BPTF: variants seen among roughly 807,000 people sequenced by gnomAD.
BPTF encodes nucleosome-remodeling factor subunit BPTF.
In BPTF, 18 loss-of-function variants were observed where a neutral mutation model predicts 292.5. That is an observed-to-expected ratio of 0.06 (90% CI 0.04 to 0.09). The LOEUF (loss-of-function observed/expected upper bound fraction) is 0.09, where lower values mean the gene tolerates loss of function less well. Among genes scored for constraint, BPTF ranks in the 10% least tolerant of loss-of-function variants. The pLI, the probability that BPTF is intolerant of heterozygous loss-of-function variation, is 1.00. For synonymous variants in BPTF, 1,225 were observed against 1,251.9 expected (o/e 0.98, Z 0.45); for missense variants, 2,726 against 3,498.7 (o/e 0.78, Z 5.57).
At chr17:67,938,234 G>C (rs2065083128) in intron 18 of BPTF, among the ~76,000 whole-genome samples, 1 of 152,168 alleles carries the variant, frequency 6.6e-6, no homozygotes, top group South Asian at 2.1e-4. Flanking sequence ...CCTTTTATCT[G>C]TCTCTGCTTA....
chr17:67,974,920 C>T (rs1342764828), intron 26 of BPTF: 6 of 152,212 alleles, frequency 3.9e-5, no homozygotes, highest in Admixed American at 3.9e-4. Flanking sequence ...TCAGCTTAAC[C>T]TTCAGCCCCT....
chr17:67,967,970 C>G (rs1555688475), intron 26 of BPTF, among the ~76,000 whole-genome samples: 2 of 151,322 alleles, frequency 1.3e-5, no homozygotes, highest in African/African-American at 4.9e-5. Flanking sequence ...TCATCCTTCT[C>G]CATTTACTTC....
At chr17:67,838,041 A>G (rs1841675173) in intron 1 of BPTF, among the ~76,000 whole-genome samples, 1 of 152,212 alleles carries the variant, frequency 6.6e-6, no homozygotes, top group African/African-American at 2.4e-5. Context: ...TAGATGATCT[A>G]ATGGTCAGGG....
intron 19 of BPTF, among the ~76,000 whole-genome samples, chr17:67,940,893 A>C (rs61171763): frequency 1.4e-3 from 219 of 152,282 alleles, no homozygotes; most frequent in East Asian, 5.6e-3. Flanking sequence ...AAACACCAAA[A>C]TTTTATTAGT....
chr17:67,939,130 G>A (rs906579735), intron 18 of BPTF, among the ~76,000 whole-genome samples: 1 of 151,952 alleles, frequency 6.6e-6, no homozygotes. Context: ...TTTTTTGGAG[G>A]GTTACTTTAA....
intron 27 of BPTF, among the ~76,000 whole-genome samples, chr17:67,976,713 A>T (rs1568232766): frequency 2.9e-5 from 4 of 138,432 alleles, no homozygotes; most frequent in South Asian, 4.6e-4. Context: ...AAAAAAAAAA[A>T]AATAAGAATA....
chr17:67,859,275 A>C (rs2058929939), intron 2 of BPTF, among the ~76,000 whole-genome samples: 1 of 152,014 alleles, frequency 6.6e-6, no homozygotes, highest in Non-Finnish European at 1.5e-5. Flanking sequence ...CCCCCCTAGG[A>C]GCTGGGACTA....
chr17:67,923,038 T>C (rs2063561715), intron 14 of BPTF, 48 bp downstream of exon 14: 2 of 1,537,410 alleles, frequency 1.3e-6, no homozygotes, highest in Non-Finnish European at 8.8e-7. Flanking sequence ...ATTTTATCAC[T>C]TCAGAATCAA....
intron 18 of BPTF, 84 bp from the exon 19 acceptor site, chr17:67,940,355 C>T (rs2065266985): frequency 2.1e-5 from 25 of 1,200,298 alleles, no homozygotes; most frequent in Non-Finnish European, 3.0e-5. Context: ...GAAAAGAATA[C>T]GTTCATGTGA....
intron 1 of BPTF, among the ~76,000 whole-genome samples, chr17:67,838,944 C>T (rs2057345205): frequency 6.6e-6 from 1 of 152,066 alleles, no homozygotes; most frequent in Non-Finnish European, 1.5e-5. Context: ...TAGTATTTAG[C>T]CACCTATTCT....
intron 3 of BPTF, among the ~76,000 whole-genome samples, chr17:67,870,407 T>G (rs149889378): frequency 1.0e-3 from 159 of 152,192 alleles, no homozygotes; most frequent in African/African-American, 3.5e-3. Context: ...ACTAGGTGTT[T>G]TACAATTCTT....
chr17:67,837,482 A>G (rs1356813567), intron 1 of BPTF, among the ~76,000 whole-genome samples: 2 of 151,376 alleles, frequency 1.3e-5, no homozygotes, highest in Admixed American at 6.6e-5. Context: ...ATCTCAGCTC[A>G]CTGCAACCTC....
chr17:67,839,302 A>T (rs2057376174), intron 1 of BPTF, among the ~76,000 whole-genome samples: 1 of 151,984 alleles, frequency 6.6e-6, no homozygotes. Context: ...GAATGTATTC[A>T]CCTGGTTCTC....
chr17:67,961,665 A>AGTTT (rs1164333438), intron 24 of BPTF, among the ~76,000 whole-genome samples: 1 of 151,978 alleles, frequency 6.6e-6, no homozygotes, highest in African/African-American at 2.4e-5. Flanking sequence ...TGGGCAACAT[A>AGTTT]GAGAGACCCC....
intron 1 of BPTF, among the ~76,000 whole-genome samples, chr17:67,838,148 C>T (rs2057277012): frequency 6.6e-6 from 1 of 152,198 alleles, no homozygotes; most frequent in South Asian, 2.1e-4. Context: ...GCCCTCATAG[C>T]AGGAAAGCAG....
intron 18 of BPTF, among the ~76,000 whole-genome samples, chr17:67,935,641 A>C (rs1482087157): frequency 6.6e-6 from 1 of 152,208 alleles, no homozygotes; most frequent in East Asian, 1.9e-4. Flanking sequence ...AGATCACCTG[A>C]GGTCAGGAGT....
intron 4 of BPTF, among the ~76,000 whole-genome samples, chr17:67,889,260 G>A (rs1329651613): frequency 6.6e-6 from 1 of 152,122 alleles, no homozygotes; most frequent in African/African-American, 2.4e-5. Context: ...ATTCCTTTAA[G>A]TCTTACCCCT....
In BPTF at chr17:67,947,719, C is replaced by A; in HGVS notation, c.7618-7C>A. 1 of 1,551,874 alleles carries A rather than the reference C, an allele frequency of 6.4e-7. No individual in the cohort carries two copies. The highest frequency in any genetic ancestry group is 1.2e-5 in the South Asian group (1 of 83,948). The stretch of plus-strand genomic sequence containing the variant: ...ATATGCGCTTTTGGATTTATTCTGT[C>A]CTGAAGGTGGTGATGAAGCATAATG... On this transcript the variant is annotated splice_region_variant and splice_polypyrimidine_tract_variant and intron_variant, in intron 21 of 27. Transcript: ENST00000306378.
At chr17:67,841,788 AT>A (rs1247601219) in intron 1 of BPTF, among the ~76,000 whole-genome samples, 1 of 152,042 alleles carries the variant, frequency 6.6e-6, no homozygotes, top group East Asian at 1.9e-4. Flanking sequence ...GTTTTGGACC[AT>A]TTACATTTAA....
Sources: allele counts gnomAD v4.1 joint callset (sites outside exome capture counted in the v4.1 genomes callset), GRCh38; gene constraint gnomAD v4.1.1; transcripts MANE v1.5; gene names NCBI Gene and HGNC (gene_info 2026-07-23, HGNC 2026-07-21).